IP6K3: variants seen among roughly 807,000 people sequenced by gnomAD.
IP6K3 encodes inositol hexakisphosphate kinase 3.
In IP6K3, 20 loss-of-function variants were observed where a neutral mutation model predicts 28.8. The observed-to-expected ratio is 0.70, with a 90% CI of 0.49 to 1.01. IP6K3 has a LOEUF of 1.01. Ranked by LOEUF, IP6K3 falls within the 50% of genes least tolerant of loss-of-function variation. The pLI is 0.00. For synonymous variants in IP6K3, 213 were observed against 221.3 expected (o/e 0.96, Z 0.33); for missense variants, 480 against 537.1 (o/e 0.89, Z 1.05).
At chr6:33,736,398 C>T (rs1051076211) in intron 1 of IP6K3, among the ~76,000 whole-genome samples, 10 of 151,678 alleles carry the variant, frequency 6.6e-5, no homozygotes, top group African/African-American at 2.2e-4. Flanking sequence ...TGCTTGCTTG[C>T]TTGCTTTATT....
intron 3 of IP6K3, among the ~76,000 whole-genome samples, chr6:33,727,474 C>T (rs1431042718): frequency 1.3e-5 from 2 of 152,242 alleles, no homozygotes; most frequent in African/African-American, 4.8e-5. Context: ...ATCTGCAGCA[C>T]TCCTTGGGAA....
intron 5 of IP6K3, among the ~76,000 whole-genome samples, chr6:33,723,689 G>A (rs1204755839): frequency 2.0e-5 from 3 of 152,242 alleles, no homozygotes; most frequent in Admixed American, 2.0e-4. Context: ...AATGCCTCTT[G>A]AAGTGGAGTG....
chr6:33,751,884 TG>T, upstream of IP6K3, among the ~76,000 whole-genome samples: 2 of 152,296 alleles, frequency 1.3e-5, no homozygotes, highest in Middle Eastern at 6.8e-3. The surrounding 1 kb of genome is among the most constrained non-coding windows in gnomAD (Gnocchi z 4.3). Context: ...TGGAGAAGGC[TG>T]GGAGGAGGGG....
the IP6K3 span, among the ~76,000 whole-genome samples, chr6:33,758,268 G>A: frequency 9.2e-4 from 140 of 152,234 alleles, no homozygotes; most frequent in African/African-American, 3.2e-3. Context: ...AAATCCCAGC[G>A]CTTTGGGAGG....
the IP6K3 span, among the ~76,000 whole-genome samples, chr6:33,758,746 G>A: frequency 0.015 from 2,227 of 152,102 alleles, 71 homozygotes; most frequent in African/African-American, 0.048. Context: ...TTACAGGTGC[G>A]TGCCACCACA....
At chr6:33,738,582 C>T (rs912077056) in intron 1 of IP6K3, among the ~76,000 whole-genome samples, 8 of 152,204 alleles carry the variant, frequency 5.3e-5, no homozygotes, top group East Asian at 1.9e-4. Flanking sequence ...TTACCAGCCC[C>T]GTTTTACAGA....
At position 33,725,386 on chromosome 6, in the gene IP6K3, C is replaced by G. The variant is rs1017977032; in HGVS notation, c.765+55G>C. The G allele has an allele frequency of 5.4e-5, 83 of 1,524,938 alleles. No homozygotes were observed. In the Middle Eastern group the frequency reaches 6.6e-4, roughly 12 times the overall value. The allele number at this position is 1,524,938 out of a possible 1,614,324, so 94.5% of individuals were successfully genotyped here. A position where few individuals can be genotyped will look rare whatever the true frequency, so the allele number is the denominator to read the frequency against. On this transcript the variant is annotated intron_variant, in intron 5 of 5. Coordinates refer to ENST00000293756, the MANE Select transcript of IP6K3 (RefSeq NM_054111.5). ...GCATCTGGATGGGAGATATCCTTGCCCCACCGTGGACGTGCCGGGATGTCC... is the reference window on the plus strand; with the variant it reads ...GCATCTGGATGGGAGATATCCTTGCGCCACCGTGGACGTGCCGGGATGTCC...
chr6:33,742,141 G>A lies in IP6K3; in HGVS notation c.-180+4617C>T, dbSNP rs1432006607. Among the ~76,000 whole-genome samples the A allele has an allele frequency of 6.6e-6, 1 of 152,200 alleles. No individual in the cohort carries two copies. Among genetic ancestry groups the A allele is most frequent in the Admixed American group, 6.5e-5 (1 of 15,276 alleles). Reference sequence around the variant, plus strand: ...AGGAATTTTCAGATGGAGACACTGAGGGTCAGAATGGTTGCAGAGTTTTCC... The same window carrying A: ...AGGAATTTTCAGATGGAGACACTGAAGGTCAGAATGGTTGCAGAGTTTTCC... On this transcript the variant is annotated intron_variant, in intron 1 of 5. Coordinates refer to ENST00000293756, the MANE Select transcript of IP6K3 (RefSeq NM_054111.5). The surrounding 1 kb of genome is among the most constrained non-coding windows in gnomAD (Gnocchi z 4.5).
upstream of IP6K3, among the ~76,000 whole-genome samples, chr6:33,751,489 T>TA (rs1767021120): frequency 8.9e-6 from 1 of 112,542 alleles, no homozygotes. The surrounding 1 kb of genome is among the most constrained non-coding windows in gnomAD (Gnocchi z 4.3). Context: ...AGGCCGTGTG[T>TA]GTGTGTGTGT....
the IP6K3 span, among the ~76,000 whole-genome samples, chr6:33,759,337 C>T: frequency 7.2e-5 from 11 of 152,050 alleles, 1 homozygote; most frequent in South Asian, 2.1e-4. Context: ...AGTGCAGTGG[C>T]GCGATCTTGG....
intron 4 of IP6K3, among the ~76,000 whole-genome samples, chr6:33,726,085 A>AG (rs1165943031): frequency 6.6e-6 from 1 of 152,236 alleles, no homozygotes; most frequent in African/African-American, 2.4e-5. Context: ...CTTAGGGATT[A>AG]GGATTGCAGA....
chr6:33,761,236 G>C, the IP6K3 span, among the ~76,000 whole-genome samples: 1 of 152,026 alleles, frequency 6.6e-6, no homozygotes, highest in Non-Finnish European at 1.5e-5. Flanking sequence ...GTCGAGGTGG[G>C]GGACATCAGC....
chr6:33,740,721 T>C (rs1291167532), intron 1 of IP6K3, among the ~76,000 whole-genome samples: 1 of 152,242 alleles, frequency 6.6e-6, no homozygotes, highest in East Asian at 1.9e-4. Context: ...ACATTTTTAT[T>C]TCCGGAGAGT....
At position 33,722,654 on chromosome 6, in the gene IP6K3, C is replaced by T. The variant is rs950264572; in HGVS notation, c.*66G>A. On this transcript the variant is annotated 3_prime_UTR_variant, in exon 6 of 6. Transcript: ENST00000293756. ...ACATCTAAGGGGTGTCTGGACTACC[C>T]TAGCAACCAACAGGTCTCTATTTGA... 3 of 1,149,536 alleles carry T rather than the reference C, an allele frequency of 2.6e-6. No individual in the cohort carries two copies. In the African/African-American group the frequency reaches 4.6e-5, roughly 18 times the overall value. 71.2% of individuals were successfully genotyped at this position (1,149,536 alleles called of 1,614,324 possible). A position where few individuals can be genotyped will look rare whatever the true frequency, so the allele number is the denominator to read the frequency against.
At chr6:33,743,669 C>T (rs1414543682) in intron 1 of IP6K3, among the ~76,000 whole-genome samples, 1 of 152,088 alleles carries the variant, frequency 6.6e-6, no homozygotes, top group Non-Finnish European at 1.5e-5. Flanking sequence ...GGCTCTCCGG[C>T]TCGGTGGGAT....
At chr6:33,753,699 T>A in the IP6K3 span, among the ~76,000 whole-genome samples, 1 of 152,124 alleles carries the variant, frequency 6.6e-6, no homozygotes, top group African/African-American at 2.4e-5. Flanking sequence ...AGACAACACT[T>A]TATAGCTCAC....
chr6:33,748,526 G>GT (rs1554146444), upstream of IP6K3, among the ~76,000 whole-genome samples: 5 of 150,834 alleles, frequency 3.3e-5, no homozygotes, highest in Non-Finnish European at 7.4e-5. Flanking sequence ...CTAACATTTT[G>GT]AGAGGCAGAG....
intron 5 of IP6K3, among the ~76,000 whole-genome samples, chr6:33,725,199 A>G (rs1460006477): frequency 1.3e-5 from 2 of 149,866 alleles, no homozygotes; most frequent in African/African-American, 4.9e-5. Context: ...ACTGCACTCC[A>G]GCCTGGGCGA....
chr6:33,728,427 C>T (rs1050552596), intron 2 of IP6K3, 127 bp from the exon 3 acceptor site: 3 of 826,668 alleles, frequency 3.6e-6, no homozygotes, highest in African/African-American at 1.7e-5. Context: ...TTCCCCAGCT[C>T]CTCTCTCAAG....
Sources: gnomAD v4.1 joint callset for allele counts (sites outside exome capture counted in the v4.1 genomes callset) on GRCh38, gnomAD v4.1.1 for gene constraint, Gnocchi (gnomAD v3.1) non-coding constraint, MANE v1.5 for transcripts, NCBI Gene and HGNC (gene_info 2026-07-23, HGNC 2026-07-21) for gene names.